Variants in FANCD2OS observed in about 807,000 individuals in gnomAD.
FANCD2OS encodes FANCD2 opposite strand protein.
A neutral mutation model predicts 13.2 loss-of-function variants in FANCD2OS; 11 were observed. That is an observed-to-expected ratio of 0.83 (90% CI 0.52 to 1.38). FANCD2OS has a LOEUF of 1.38. FANCD2OS is among the 40% of genes most tolerant of loss of function. The probability of loss-of-function intolerance (pLI) is 0.00; values close to 1 mark genes in which losing one functional copy is unlikely to be tolerated. For synonymous variants in FANCD2OS, 69 were observed against 84.5 expected (o/e 0.82, Z 1.01); for missense variants, 217 against 213.9 (o/e 1.01, Z -0.09).
At chr3:10,081,774 G>A (rs889120919) in intron 2 of FANCD2OS, among the ~76,000 whole-genome samples, 4 of 152,076 alleles carry the variant, frequency 2.6e-5, no homozygotes, top group Non-Finnish European at 2.9e-5. Flanking sequence ...GTTTGGTGAT[G>A]AGCTGAACAC....
chr3:10,106,373 C>G (rs1043575181), intron 1 of FANCD2OS, among the ~76,000 whole-genome samples: 2 of 152,152 alleles, frequency 1.3e-5, no homozygotes, highest in African/African-American at 4.8e-5. Flanking sequence ...TTCCATCATT[C>G]TCCTTCAACA....
chr3:10,103,263 G>T (rs563274746), downstream of FANCD2OS, among the ~76,000 whole-genome samples: 6 of 152,100 alleles, frequency 3.9e-5, no homozygotes, highest in Non-Finnish European at 7.4e-5. Flanking sequence ...TTAGCTGGGC[G>T]TGGTGGCACA....
chr3:10,085,329 T>A (rs781650044), intron 2 of FANCD2OS, among the ~76,000 whole-genome samples: 7 of 152,102 alleles, frequency 4.6e-5, no homozygotes, highest in Non-Finnish European at 1.0e-4. Flanking sequence ...ACTCTGATAC[T>A]TAGAGCTGTG....
intron 2 of FANCD2OS, chr3:10,090,231 TC>T (rs1289445712): frequency 3.9e-6 from 5 of 1,268,726 alleles, no homozygotes; most frequent in Non-Finnish European, 5.8e-6. Flanking sequence ...TCCTGGTTCT[TC>T]CCAGGTAGTT....
chr3:10,099,059 T>G, downstream of FANCD2OS: 2 of 1,581,746 alleles, frequency 1.3e-6, no homozygotes, highest in Non-Finnish European at 1.7e-6. Context: ...GTTGACAATT[T>G]TCTGCATTAT....
downstream of FANCD2OS, among the ~76,000 whole-genome samples, chr3:10,102,166 C>T (rs868802692): frequency 5.5e-5 from 7 of 127,352 alleles, no homozygotes; most frequent in Middle Eastern, 9.5e-3. Flanking sequence ...TTTTTTGAAA[C>T]GGAGTCTCAC....
chr3:10,088,889 G>A (rs2125077784), intron 2 of FANCD2OS: 1 of 1,613,904 alleles, frequency 6.2e-7, no homozygotes, highest in Non-Finnish European at 8.5e-7. Flanking sequence ...TGGTGTTGGT[G>A]TCCCAGAACT....
chr3:10,094,407 G>T, intron 2 of FANCD2OS: 1 of 1,518,522 alleles, frequency 6.6e-7, no homozygotes. Context: ...CTGAAGAGTT[G>T]CTCAGAAGAT....
intron 1 of FANCD2OS, 133 bp from the exon 2 acceptor site, chr3:10,104,915 G>A: frequency 3.6e-6 from 2 of 560,672 alleles, no homozygotes; most frequent in Non-Finnish European, 5.7e-6. Flanking sequence ...ATTCCAACAG[G>A]TGTTAGGATA....
At chr3:10,102,575 A>T (rs911640279), downstream of FANCD2OS, among the ~76,000 whole-genome samples, 4 of 152,126 alleles carry the variant, frequency 2.6e-5, no homozygotes, top group Non-Finnish European at 5.9e-5. Flanking sequence ...CTGTAATCCC[A>T]GCACTTTGGG....
At chr3:10,100,673 C>T (rs1695248432), downstream of FANCD2OS, among the ~76,000 whole-genome samples, 1 of 152,208 alleles carries the variant, frequency 6.6e-6, no homozygotes, top group Non-Finnish European at 1.5e-5. Flanking sequence ...CGTGCACTGC[C>T]ATACCACCAC....
downstream of FANCD2OS, among the ~76,000 whole-genome samples, chr3:10,102,679 A>G (rs1160806279): frequency 2.6e-5 from 4 of 151,216 alleles, no homozygotes; most frequent in Admixed American, 6.6e-5. Context: ...CGTCTCTACT[A>G]AAAAATACAA....
At position 10,087,060 on chromosome 3, in the gene FANCD2OS, G is replaced by A. The variant is rs34197804; in HGVS notation, c.*44-5529C>T. The A allele has an allele frequency of 5.7e-3, 8,837 of 1,540,542 alleles. 40 individuals carry two copies. The highest frequency in any genetic ancestry group is 8.4e-3 in the South Asian group (753 of 89,222). Reference sequence around the variant, plus strand: ...CAAACACTGAAAGGGACTTGGGCACGTCATGTGGATTTAAATATATCTGTG... The same window carrying A: ...CAAACACTGAAAGGGACTTGGGCACATCATGTGGATTTAAATATATCTGTG... On this transcript the variant is annotated intron_variant, in intron 2 of 2. Coordinates refer to the FANCD2OS transcript ENST00000524279.
intron 2 of FANCD2OS, among the ~76,000 whole-genome samples, chr3:10,090,856 CAA>C (rs1694561787): frequency 1.3e-5 from 2 of 151,500 alleles, no homozygotes; most frequent in Admixed American, 6.6e-5. Context: ...GATTTTTTTT[CAA>C]AGAGTTCCTA....
At chr3:10,083,233 A>T (rs1693955077) in intron 2 of FANCD2OS, among the ~76,000 whole-genome samples, 1 of 152,236 alleles carries the variant, frequency 6.6e-6, no homozygotes, top group Admixed American at 6.5e-5. Context: ...TCTCAAAAAA[A>T]AAAAAATCTG....
rs34067373 is a variant in FANCD2OS at position 10,094,504 on chromosome 3, T to A, written c.*43+9694A>T. The A allele has an allele frequency of 3.6e-4, 279 of 777,408 alleles. No individual in the cohort carries two copies. The East Asian group carries it at 6.2e-3, about 17-fold the overall frequency. 48.2% of individuals were successfully genotyped at this position (777,408 alleles called of 1,614,324 possible). ...TCAGCTGTAGCCAGAGATCCCCAAA[T>A]TGGACTGAATATTCCAAAGTAGGCT... is the stretch of plus-strand genomic sequence containing the variant. On this transcript the variant is annotated intron_variant, in intron 2 of 2. Transcript: ENST00000524279.
At chr3:10,082,827 C>T (rs1051008577) in intron 2 of FANCD2OS, among the ~76,000 whole-genome samples, 5 of 152,210 alleles carry the variant, frequency 3.3e-5, no homozygotes, top group Non-Finnish European at 7.3e-5. Context: ...AGACTCTGAG[C>T]TCCATGAAGG....
Position 10,104,054 on chromosome 3 carries a change from G to C in FANCD2OS, c.*187C>G. ...CCTTACAATGGGAATGTTCTTCCTT[G>C]TTCTCTATCATTGGTCCTTTTTTGG... On this transcript the variant is annotated 3_prime_UTR_variant, in exon 2 of 2. Transcript: ENST00000450660. 1 of 592,236 alleles carries C rather than the reference G, an allele frequency of 1.7e-6. No homozygotes were observed. Among genetic ancestry groups the C allele is most frequent in the Admixed American group, 3.4e-5 (1 of 29,758 alleles). 36.7% of individuals were successfully genotyped at this position (592,236 alleles called of 1,614,324 possible). A position where few individuals can be genotyped will look rare whatever the true frequency, so the allele number is the denominator to read the frequency against.
chr3:10,100,682 A>AG (rs1262857617), downstream of FANCD2OS, among the ~76,000 whole-genome samples: 1 of 152,088 alleles, frequency 6.6e-6, no homozygotes, highest in Non-Finnish European at 1.5e-5. Context: ...CCATACCACC[A>AG]CTTGTAATAA....
Sources: gnomAD v4.1 joint callset for allele counts (sites outside exome capture counted in the v4.1 genomes callset) on GRCh38, gnomAD v4.1.1 for gene constraint, MANE v1.5 for transcripts, NCBI Gene and HGNC (gene_info 2026-07-23, HGNC 2026-07-21) for gene names.